NAALADL2: variants seen among roughly 807,000 people sequenced by gnomAD.
The protein encoded by NAALADL2 is N-acetylated alpha-linked acidic dipeptidase like 2, also known as inactive N-acetylated-alpha-linked acidic dipeptidase-like protein 2.
A neutral mutation model predicts 87.2 loss-of-function variants in NAALADL2; 76 were observed. That is an observed-to-expected ratio of 0.87 (90% CI 0.72 to 1.05). The LOEUF (loss-of-function observed/expected upper bound fraction) is 1.05. Among genes scored for constraint, NAALADL2 ranks in the 50% least tolerant of loss-of-function variants. The pLI is 0.00. For synonymous variants in NAALADL2, 354 were observed against 331.0 expected (o/e 1.07, Z -0.75); for missense variants, 1,089 against 945.8 (o/e 1.15, Z -1.99).
At chr3:174,835,503 T>C (rs1418023187) in intron 3 of NAALADL2, among the ~76,000 whole-genome samples, 2 of 152,132 alleles carry the variant, frequency 1.3e-5, no homozygotes, top group Non-Finnish European at 2.9e-5. Context: ...AAATAAATTG[T>C]ACTATATCAA....
At chr3:174,527,411 C>T (rs533478222) in intron 1 of NAALADL2, among the ~76,000 whole-genome samples, 43 of 150,874 alleles carry the variant, frequency 2.9e-4, no homozygotes, top group Non-Finnish European at 5.2e-4. Flanking sequence ...CCCAGCTACT[C>T]GGGAGGCTGA....
intron 1 of NAALADL2, among the ~76,000 whole-genome samples, chr3:174,503,729 C>T (rs986642970): frequency 1.3e-5 from 2 of 152,086 alleles, no homozygotes; most frequent in African/African-American, 4.8e-5. Flanking sequence ...AGTTGGTAGA[C>T]ATTTCACTTG....
intron 12 of NAALADL2, among the ~76,000 whole-genome samples, chr3:175,739,302 G>A (rs1744941180): frequency 6.6e-6 from 1 of 152,008 alleles, no homozygotes; most frequent in Non-Finnish European, 1.5e-5. Context: ...GTGACGATTC[G>A]GTTGTCAGGC....
At chr3:174,788,430 G>T (rs908591920) in intron 3 of NAALADL2, among the ~76,000 whole-genome samples, 2 of 152,168 alleles carry the variant, frequency 1.3e-5, no homozygotes, top group African/African-American at 4.8e-5. Context: ...AGTTGTGGAG[G>T]CTAGAAGTAC....
chr3:175,333,390 T>G (rs1761627336), intron 5 of NAALADL2, among the ~76,000 whole-genome samples: 1 of 152,154 alleles, frequency 6.6e-6, no homozygotes, highest in African/African-American at 2.4e-5. Flanking sequence ...GAGCATGTGC[T>G]TCAGCCCCAG....
intron 2 of NAALADL2, among the ~76,000 whole-genome samples, chr3:174,558,188 G>A (rs1371321573): frequency 2.6e-5 from 4 of 152,134 alleles, no homozygotes; most frequent in Non-Finnish European, 5.9e-5. Flanking sequence ...GGCCAAAGTT[G>A]TAAGCAGGCT....
chr3:175,118,570 G>A (rs1725649736), intron 2 of NAALADL2, among the ~76,000 whole-genome samples: 1 of 151,840 alleles, frequency 6.6e-6, no homozygotes, highest in East Asian at 1.9e-4. Context: ...ACATGGTATA[G>A]TGGTGCCACA....
intron 9 of NAALADL2, among the ~76,000 whole-genome samples, chr3:175,565,638 A>AT (rs11387131): frequency 0.76 from 115,058 of 151,678 alleles, 43,784 homozygotes; most frequent in East Asian, 0.85. Context: ...TAAAGTGGCA[A>AT]TTTCTCTTAT....
chr3:174,612,483 C>CT (rs959254607), intron 2 of NAALADL2, among the ~76,000 whole-genome samples: 4 of 151,994 alleles, frequency 2.6e-5, no homozygotes, highest in Admixed American at 2.0e-4. Context: ...CTTTTTAATG[C>CT]TTTTTTCTTT....
intron 1 of NAALADL2, among the ~76,000 whole-genome samples, chr3:174,895,228 C>G (rs1184814689): frequency 6.6e-6 from 1 of 150,886 alleles, no homozygotes; most frequent in Admixed American, 6.6e-5. Flanking sequence ...TACAAAAGAT[C>G]AATGAAACAA....
chr3:174,561,417 GTC>G (rs1235078403), intron 2 of NAALADL2, among the ~76,000 whole-genome samples: 51 of 151,946 alleles, frequency 3.4e-4, no homozygotes, highest in African/African-American at 1.2e-3. Context: ...GGTCAGAATG[GTC>G]TCGATCTCCT....
chr3:174,739,468 C>T (rs1733549194), intron 3 of NAALADL2, among the ~76,000 whole-genome samples: 1 of 151,962 alleles, frequency 6.6e-6, no homozygotes, highest in Non-Finnish European at 1.5e-5. Context: ...CATTTGGGCC[C>T]TTCCATTGTC....
intron 9 of NAALADL2, among the ~76,000 whole-genome samples, chr3:175,502,046 G>T (rs1186696456): frequency 2.0e-5 from 3 of 152,088 alleles, no homozygotes; most frequent in African/African-American, 7.2e-5. Context: ...AATCAATGGA[G>T]ACTTTGAAGA....
chr3:175,323,668 A>AG (rs1760257338), intron 4 of NAALADL2, among the ~76,000 whole-genome samples: 3 of 151,712 alleles, frequency 2.0e-5, no homozygotes, highest in Admixed American at 2.0e-4. Context: ...AGGAAAAAAA[A>AG]AAAGGCCAGT....
Position 175,471,704 on chromosome 3 carries a change from G to A in NAALADL2, c.1599G>A (p.Gly533=), listed in dbSNP as rs774272527. 13 of 1,603,634 alleles carry A rather than the reference G, an allele frequency of 8.1e-6. No homozygotes were observed. The highest frequency in any genetic ancestry group is 1.7e-5 in the Admixed American group (1 of 59,368). ...TTAGCCTCCACAGTCCCATAAGGGG[G>A]AACTCTAGTCTGTATCCTGTAGCAT... ...AYISLHSPIR[G]NSSLYPVASP... is the part of the protein sequence containing the mutation. The change falls in exon 9 of 14, where the codon GGG becomes GGA. Residue 533 remains glycine, a synonymous_variant. Coordinates refer to ENST00000454872, the MANE Select transcript of NAALADL2 (RefSeq NM_207015.3).
chr3:175,298,853 C>T, intron 4 of NAALADL2, among the ~76,000 whole-genome samples: 1 of 152,134 alleles, frequency 6.6e-6, no homozygotes, highest in East Asian at 1.9e-4. Flanking sequence ...TCATGAGGTG[C>T]AAATTGTTGT....
chr3:175,036,931 T>C (rs1303932576), intron 1 of NAALADL2, among the ~76,000 whole-genome samples: 1 of 151,472 alleles, frequency 6.6e-6, no homozygotes, highest in African/African-American at 2.4e-5. Flanking sequence ...CTGAATATGA[T>C]ACAGTCACTC....
chr3:175,600,434 T>A (rs1292243680), intron 10 of NAALADL2, among the ~76,000 whole-genome samples: 1 of 151,308 alleles, frequency 6.6e-6, no homozygotes, highest in Non-Finnish European at 1.5e-5. Flanking sequence ...TTAGCTTTCG[T>A]AAGCTTGAAA....
chr3:174,555,597 G>T (rs2108500173), intron 2 of NAALADL2, among the ~76,000 whole-genome samples: 1 of 152,314 alleles, frequency 6.6e-6, no homozygotes, highest in Non-Finnish European at 1.5e-5. Context: ...TCCGCGCCTG[G>T]CCAAAAATTC....
Sources: allele counts gnomAD v4.1 joint callset (sites outside exome capture counted in the v4.1 genomes callset), GRCh38; gene constraint gnomAD v4.1.1; transcripts MANE v1.5; gene names NCBI Gene and HGNC (gene_info 2026-07-23, HGNC 2026-07-21).